Variants in NTM observed in about 807,000 individuals in gnomAD.
The protein encoded by NTM is IgLON family member 2.
Under a neutral mutation model 42.1 loss-of-function variants are expected in NTM, and 13 were observed. The ratio of observed to expected loss-of-function variants is 0.31; its 90% CI spans 0.20 to 0.49. The LOEUF (loss-of-function observed/expected upper bound fraction) is 0.49. NTM is among the 20% of genes least tolerant of loss of function. The probability of loss-of-function intolerance (pLI) is 0.99; values close to 1 mark genes in which losing one functional copy is unlikely to be tolerated. For missense variants in NTM, 373 were observed against 452.8 expected, an observed-to-expected ratio of 0.82 and a Z score of 1.60; for synonymous variants, 187 against 179.2, an observed-to-expected ratio of 1.04 and a Z score of -0.35.
chr11:131,942,078 A>T (rs1462255872), intron 2 of NTM, among the ~76,000 whole-genome samples: 1 of 152,214 alleles, frequency 6.6e-6, no homozygotes, highest in Non-Finnish European at 1.5e-5. Flanking sequence ...AAAAAAATGA[A>T]TAAAATGAAA....
intron 2 of NTM, among the ~76,000 whole-genome samples, chr11:132,067,168 C>T (rs1357545434): frequency 6.6e-6 from 1 of 152,172 alleles, no homozygotes; most frequent in East Asian, 1.9e-4. Context: ...GTTGCTCATG[C>T]TGGTCTTAAG....
At chr11:132,088,433 C>G (rs1376162145) in intron 2 of NTM, among the ~76,000 whole-genome samples, 2 of 152,130 alleles carry the variant, frequency 1.3e-5, no homozygotes, top group Non-Finnish European at 2.9e-5. Context: ...TCTTATCTCA[C>G]AACCAGGAAA....
chr11:131,986,644 T>G (rs2066113971), intron 2 of NTM, among the ~76,000 whole-genome samples: 1 of 152,214 alleles, frequency 6.6e-6, no homozygotes, highest in South Asian at 2.1e-4. Flanking sequence ...ATTTTAACAT[T>G]TTCCTTAACA....
Position 132,164,857 on chromosome 11 carries a change from A to G in NTM, c.400+18343A>G, listed in dbSNP as rs149273672. 3.3e-3 allele frequency among the ~76,000 whole-genome samples: 504 copies of G among 152,308 alleles called. 1 individual carries two copies. Among genetic ancestry groups the G allele is most frequent in the Middle Eastern group, 0.031 (9 of 294 alleles). Reference sequence around the variant, plus strand: ...TGTCTCCATCACTGGTTTCAATACCATCCAACAAAGATGCCATGGAGATTG... The same window carrying G: ...TGTCTCCATCACTGGTTTCAATACCGTCCAACAAAGATGCCATGGAGATTG... On this transcript the variant is annotated intron_variant, in intron 3 of 8. Transcript: ENST00000683400.
intron 3 of NTM, among the ~76,000 whole-genome samples, chr11:132,178,248 C>A (rs559695215): frequency 1.8e-4 from 28 of 152,186 alleles, no homozygotes; most frequent in African/African-American, 6.3e-4. Flanking sequence ...CTTGATGAAA[C>A]AACAAAGAAG....
At chr11:131,935,602 G>T (rs962563286) in intron 2 of NTM, among the ~76,000 whole-genome samples, 3 of 152,106 alleles carry the variant, frequency 2.0e-5, no homozygotes, top group Non-Finnish European at 4.4e-5. Flanking sequence ...GAGGATAGGT[G>T]GGGGAGGGAA....
chr11:131,436,716 G>A (rs1030388376), intron 1 of NTM, among the ~76,000 whole-genome samples: 5 of 151,730 alleles, frequency 3.3e-5, no homozygotes, highest in Admixed American at 1.3e-4. Context: ...CAATTTTGTT[G>A]ATATTTTCAA....
intron 1 of NTM, among the ~76,000 whole-genome samples, chr11:131,724,608 A>T (rs1359584511): frequency 6.6e-6 from 1 of 152,198 alleles, no homozygotes. Flanking sequence ...AGTTTATCGT[A>T]GCCCACTACA....
chr11:132,292,144 A>G (rs1217607789), intron 4 of NTM, among the ~76,000 whole-genome samples: 1 of 152,204 alleles, frequency 6.6e-6, no homozygotes, highest in Non-Finnish European at 1.5e-5. Context: ...AAAAAGTGAG[A>G]AAGAAACAAA....
At chr11:131,641,334 A>T (rs1313532951) in intron 1 of NTM, among the ~76,000 whole-genome samples, 2 of 152,190 alleles carry the variant, frequency 1.3e-5, no homozygotes, top group Non-Finnish European at 2.9e-5. Flanking sequence ...TCTCATTGAT[A>T]AAAAGAGGGG....
At chr11:132,086,387 A>C (rs973971337) in intron 2 of NTM, among the ~76,000 whole-genome samples, 3 of 146,144 alleles carry the variant, frequency 2.1e-5, no homozygotes, top group African/African-American at 7.6e-5. Flanking sequence ...CGATTGAGGA[A>C]AAAAAAACTT....
intron 1 of NTM, among the ~76,000 whole-genome samples, chr11:131,827,294 C>G (rs1420740368): frequency 6.6e-6 from 1 of 152,150 alleles, no homozygotes; most frequent in East Asian, 1.9e-4. Flanking sequence ...TGAGCCTGCA[C>G]AGTGTGAGAT....
chr11:131,994,808 T>C (rs1284327704), intron 2 of NTM, among the ~76,000 whole-genome samples: 1 of 152,168 alleles, frequency 6.6e-6, no homozygotes, highest in Non-Finnish European at 1.5e-5. Context: ...ATCTCACACA[T>C]ACCTCATATT....
At chr11:132,091,484 C>T (rs962895730) in intron 2 of NTM, among the ~76,000 whole-genome samples, 1 of 151,848 alleles carries the variant, frequency 6.6e-6, no homozygotes, top group South Asian at 2.1e-4. Context: ...ACACATACCA[C>T]ATATTTATTT....
chr11:131,398,906 A>G (rs967832686), intron 1 of NTM, among the ~76,000 whole-genome samples: 1 of 152,246 alleles, frequency 6.6e-6, no homozygotes, highest in Non-Finnish European at 1.5e-5. Flanking sequence ...AGGCTTGAAC[A>G]TTACATGAAA....
Position 131,686,979 on chromosome 11 carries a change from G to A in NTM, c.83-224585G>A, listed in dbSNP as rs555756762. On this transcript the variant is annotated intron_variant, in intron 1 of 8. Coordinates refer to ENST00000683400, the MANE Select transcript of NTM (RefSeq NM_001352005.2). ...GGCGCCCTGGTGGGAGGGTGTGGGG[G>A]CAGCGGAGCCCAGGCCGCAGGGCCA... 1.1e-4 allele frequency among the ~76,000 whole-genome samples: 16 copies of A among 152,306 alleles called. No individual in the cohort carries two copies. In the South Asian group the frequency reaches 2.5e-3, roughly 24 times the overall value.
chr11:131,530,443 AG>A lies in NTM; in HGVS notation c.82+159556del, dbSNP rs1472614541. 4.8e-3 allele frequency among the ~76,000 whole-genome samples: 704 copies of A among 147,430 alleles called. 4 individuals are homozygous for A. Among genetic ancestry groups the A allele is most frequent in the Middle Eastern group, 0.021 (6 of 290 alleles). On this transcript the variant is annotated intron_variant, in intron 1 of 8. Coordinates refer to ENST00000683400, the MANE Select transcript of NTM (RefSeq NM_001352005.2). ...CCTTTCTCAAAAAAAAAAAAAAAAA[AG>A]ACTGACCAGTTCTTTTACTGGGGGA...
chr11:131,602,851 T>C (rs2060612120), intron 1 of NTM, among the ~76,000 whole-genome samples: 1 of 152,026 alleles, frequency 6.6e-6, no homozygotes, highest in Non-Finnish European at 1.5e-5. Flanking sequence ...TGCCCAAGAG[T>C]CATCCCTGAA....
chr11:131,823,350 C>A (rs151151906), intron 1 of NTM, among the ~76,000 whole-genome samples: 1 of 152,166 alleles, frequency 6.6e-6, no homozygotes, highest in East Asian at 1.9e-4. Flanking sequence ...TTGTTCTCCA[C>A]GTGATGACTA....
Sources: allele counts gnomAD v4.1 joint callset (sites outside exome capture counted in the v4.1 genomes callset), GRCh38; gene constraint gnomAD v4.1.1; transcripts MANE v1.5; gene names NCBI Gene and HGNC (gene_info 2026-07-23, HGNC 2026-07-21).